Variants in CELA3B observed in about 807,000 individuals in gnomAD.
CELA3B encodes chymotrypsin like elastase 3B, also known as chymotrypsin-like elastase family member 3B.
CELA3B carries 34 observed loss-of-function variants against 37.2 expected under a neutral mutation model. The observed-to-expected ratio is 0.91, with a 90% CI of 0.70 to 1.22. The LOEUF (loss-of-function observed/expected upper bound fraction) is 1.22. Among genes scored for constraint, CELA3B ranks in the 50% most tolerant of loss-of-function variants. The probability of loss-of-function intolerance (pLI) is 0.00; values close to 1 mark genes in which losing one functional copy is unlikely to be tolerated. For missense variants in CELA3B, 340 were observed against 363.1 expected (o/e 0.94, Z 0.52); for synonymous variants, 127 against 143.5 (o/e 0.89, Z 0.82).
At chr1:21,997,370 A>G (rs1224672084) in intron 4 of CELA3B, among the ~76,000 whole-genome samples, 2 of 139,728 alleles carry the variant, frequency 1.4e-5, no homozygotes, top group Admixed American at 1.5e-4. Context: ...AAAAAGAGCA[A>G]GACAAGAGCA....
intron 6 of CELA3B, among the ~76,000 whole-genome samples, chr1:21,984,938 C>G (rs1251408096): frequency 2.0e-5 from 3 of 151,508 alleles, no homozygotes; most frequent in Non-Finnish European, 4.4e-5. Flanking sequence ...CAGAGTGAGA[C>G]TCTGTCTAAA....
downstream of CELA3B, among the ~76,000 whole-genome samples, chr1:21,994,062 C>T (rs542888498): frequency 7.3e-5 from 11 of 151,624 alleles, no homozygotes; most frequent in African/African-American, 2.7e-4. Flanking sequence ...TCAAAGGCCT[C>T]CTGTGGCCTT....
At chr1:21,977,188 A>G in intron 1 of CELA3B, 106 bp downstream of exon 1, 1 of 1,534,220 alleles carries the variant, frequency 6.5e-7, no homozygotes, top group South Asian at 1.1e-5. Context: ...CTGGTTCCAC[A>G]GGAGGGGGTC....
chr1:21,983,120 C>T (rs1268631602), intron 4 of CELA3B, among the ~76,000 whole-genome samples: 1 of 152,120 alleles, frequency 6.6e-6, no homozygotes, highest in Non-Finnish European at 1.5e-5. Flanking sequence ...GAGGCCCAGG[C>T]GGGCATATCA....
Position 21,978,262 on chromosome 1 carries a change from C to T in CELA3B, c.44-107C>T, listed in dbSNP as rs761712108. On this transcript the variant is annotated intron_variant, in intron 1 of 7. Coordinates refer to ENST00000337107, the MANE Select transcript of CELA3B (RefSeq NM_007352.4). ...AGGTCCAGAGGGCGAAAGGGGCTTG[C>T]ATGGGGTCACACAGCCACTTGAAGG... is the stretch of plus-strand genomic sequence containing the variant. 6.0e-4 allele frequency: 716 copies of T among 1,188,642 alleles called. 1 individual carries two copies. The highest frequency in any genetic ancestry group is 7.5e-4 in the Non-Finnish European group (601 of 800,534). The allele number at this position is 1,188,642 out of a possible 1,614,324, so 73.6% of individuals were successfully genotyped here. A position where few individuals can be genotyped will look rare whatever the true frequency, so the allele number is the denominator to read the frequency against.
chr1:21,983,573 T>C (rs1644818152), intron 4 of CELA3B, 121 bp from the exon 5 acceptor site: 1 of 1,402,830 alleles, frequency 7.1e-7, no homozygotes, highest in Non-Finnish European at 9.6e-7. Flanking sequence ...GATGAAAGAG[T>C]GGATTTGGAG....
chr1:21,986,710 G>C, intron 7 of CELA3B, 27 bp downstream of exon 7: 1 of 1,597,634 alleles, frequency 6.3e-7, no homozygotes, highest in Non-Finnish European at 8.5e-7. Context: ...GGCCCGGAGG[G>C]CTTTAGGGTG....
At chr1:21,979,447 TCTTTTC>T (rs754013102) in intron 2 of CELA3B, among the ~76,000 whole-genome samples, 6,058 of 105,420 alleles carry the variant, frequency 0.057, 403 homozygotes, top group African/African-American at 0.17. Flanking sequence ...TCTTTTCTTT[TCTTTTC>T]TTTTTTTTTT....
rs777462398 is a variant in CELA3B at position 21,981,068 on chromosome 1, C to G, written c.258C>G (p.Gly86=). 6.2e-7 allele frequency: 1 copy of G among 1,613,858 alleles called. No individual in the cohort carries two copies. Among genetic ancestry groups the G allele is most frequent in the Non-Finnish European group, 8.5e-7 (1 of 1,180,030 alleles). ...CCCGGACCTACCAGGTGGTGTTGGG[C>G]GAGTACGACCGTGCTGTGAAGGAGG... ...SSSRTYQVVL[G]EYDRAVKEGP... is the part of the protein sequence containing the mutation. Residue 86 remains glycine, a synonymous_variant, in exon 4 of 8, where the codon GGC becomes GGG. Transcript: ENST00000337107.
chr1:21,983,236 T>C (rs1644815469), intron 4 of CELA3B, among the ~76,000 whole-genome samples: 1 of 152,020 alleles, frequency 6.6e-6, no homozygotes, highest in South Asian at 2.1e-4. Context: ...GTACCTGTAA[T>C]CCCAGCTACT....
chr1:21,993,518 T>A (rs1188042664), downstream of CELA3B, among the ~76,000 whole-genome samples: 1 of 151,318 alleles, frequency 6.6e-6, no homozygotes. Flanking sequence ...GTTCATTTAT[T>A]TTTCAAAGCC....
At position 21,982,337 on chromosome 1, in the gene CELA3B, G is replaced by A. The variant is rs569024795; in HGVS notation, c.362+1165G>A. Among the ~76,000 whole-genome samples the A allele has an allele frequency of 1.8e-3, 272 of 152,218 alleles. 1 individual carries two copies. The highest frequency in any genetic ancestry group is 6.1e-3 in the African/African-American group (255 of 41,566). The stretch of plus-strand genomic sequence containing the variant: ...CAATGTGAATTATTGGCCAGGCACG[G>A]TAATCCCAGCACTGCCGGAGGCCGA... On this transcript the variant is annotated intron_variant, in intron 4 of 7. Transcript: ENST00000337107.
intron 4 of CELA3B, among the ~76,000 whole-genome samples, chr1:21,997,236 C>T (rs1644894147): frequency 6.6e-6 from 1 of 150,556 alleles, no homozygotes; most frequent in Admixed American, 6.6e-5. Context: ...TGGTACATGC[C>T]TGTAACCCCA....
At position 21,985,393 on chromosome 1, in the gene CELA3B, T is replaced by A. The variant is rs551204863; in HGVS notation, c.642+1062T>A. ...CCTGGGCTCAAGCAATCCTCCCATG[T>A]CAGCCTCCCAAGCAGCCAAGAGTAC... On this transcript the variant is annotated intron_variant, in intron 6 of 7. Transcript: ENST00000337107. 7.2e-5 allele frequency among the ~76,000 whole-genome samples: 11 copies of A among 151,926 alleles called. No homozygotes were observed. In the East Asian group the frequency reaches 2.1e-3, roughly 30 times the overall value.
intron 4 of CELA3B, 130 bp from the exon 5 acceptor site, chr1:21,983,564 A>ATGATGG: frequency 7.2e-7 from 1 of 1,390,904 alleles, no homozygotes; most frequent in Non-Finnish European, 9.8e-7. Flanking sequence ...GATGATGATG[A>ATGATGG]TGAAAGAGTG....
chr1:21,979,443 C>CT (rs1644791479), intron 2 of CELA3B, among the ~76,000 whole-genome samples: 1 of 106,438 alleles, frequency 9.4e-6, no homozygotes, highest in African/African-American at 3.4e-5. Flanking sequence ...TTTTTCTTTT[C>CT]TTTTCTTTTC....
At chr1:21,988,102 C>T (rs1247812555) in intron 7 of CELA3B, among the ~76,000 whole-genome samples, 12 of 151,260 alleles carry the variant, frequency 7.9e-5, no homozygotes, top group Non-Finnish European at 1.8e-4. Flanking sequence ...GTCCCAGCTA[C>T]TCAGGAGGCT....
Position 21,977,212 on chromosome 1 carries a change from G to T in CELA3B, c.43+130G>T. On this transcript the variant is annotated intron_variant, in intron 1 of 7. Coordinates refer to ENST00000337107, the MANE Select transcript of CELA3B (RefSeq NM_007352.4). ...CAGGAGGGGGTCTCAGCTTGTACCCGGGGGCATGACTGTGGGGGCTTTCAG... is the reference window on the plus strand; with the variant it reads ...CAGGAGGGGGTCTCAGCTTGTACCCTGGGGCATGACTGTGGGGGCTTTCAG... 2.9e-6 allele frequency: 4 copies of T among 1,361,772 alleles called. No individual in the cohort carries two copies. In the South Asian group the frequency reaches 3.6e-5, roughly 12 times the overall value. The allele number at this position is 1,361,772 out of a possible 1,614,324, so 84.4% of individuals were successfully genotyped here.
chr1:21,998,179 C>A (rs554897574), exon 5 of CELA3B: 3 of 470,176 alleles, frequency 6.4e-6, no homozygotes, highest in African/African-American at 6.1e-5. Flanking sequence ...GCACCAGAGT[C>A]CCGGACTTAG....
Sources: gnomAD v4.1 joint callset for allele counts (sites outside exome capture counted in the v4.1 genomes callset) on GRCh38, gnomAD v4.1.1 for gene constraint, MANE v1.5 for transcripts, NCBI Gene and HGNC (gene_info 2026-07-23, HGNC 2026-07-21) for gene names.